Variants in TTC12 observed in about 807,000 individuals in gnomAD.
TTC12 encodes tetratricopeptide repeat protein 12.
TTC12 carries 70 observed loss-of-function variants against 90.1 expected under a neutral mutation model. The observed-to-expected ratio is 0.78, with a 90% CI of 0.64 to 0.95. The LOEUF is 0.95. TTC12 is among the 40% of genes least tolerant of loss of function. TTC12 has a pLI of 0.00. For missense variants in TTC12, 819 were observed against 846.1 expected, an observed-to-expected ratio of 0.97 and a Z score of 0.40; for synonymous variants, 296 against 311.5, an observed-to-expected ratio of 0.95 and a Z score of 0.53.
chr11:113,364,471 C>G, intron 20 of TTC12: 1 of 308,296 alleles, frequency 3.2e-6, no homozygotes, highest in South Asian at 3.5e-5. Context: ...GTGTAGGTTG[C>G]TGGCACATTG....
At chr11:113,338,741 A>G (rs782036468) in intron 8 of TTC12, 33 bp from the exon 9 acceptor site, 3 of 1,575,386 alleles carry the variant, frequency 1.9e-6, no homozygotes, top group Non-Finnish European at 2.6e-6. Context: ...CTTTACCCCA[A>G]CCACTCTTCA....
rs782306358 is a variant in TTC12, at chr11:113,351,256, A to C, written c.1265A>C (p.Gln422Pro). 4 of 1,614,160 alleles carry C rather than the reference A, an allele frequency of 2.5e-6. No homozygotes were observed. The South Asian group carries it at 4.4e-5, about 18-fold the overall frequency. ...CTCAACAGATTCCAAGTCTGGTTCCAGGCCAACCTTCCAGGTGTTCTCCCT... is the reference window on the plus strand; with the variant it reads ...CTCAACAGATTCCAAGTCTGGTTCCCGGCCAACCTTCCAGGTGTTCTCCCT... ...ALEERFQVWF[Q>P]ANLPGVLPAL... is the part of the protein sequence containing the mutation. Residue 422 changes from glutamine (Q) to proline (P), a missense_variant, in exon 15 of 22, where the codon CAG (glutamine) becomes CCG (proline). By Grantham distance (76) the Gln-to-Pro change is moderately conservative. Transcript: ENST00000529221.
chr11:113,362,325 A>G (rs1320897670), intron 18 of TTC12, 76 bp from the exon 19 acceptor site: 12 of 1,108,968 alleles, frequency 1.1e-5, no homozygotes, highest in Non-Finnish European at 1.6e-5. Flanking sequence ...TGCCTCACCA[A>G]ACTCCCCGTT....
downstream of TTC12, chr11:113,366,526 G>A: frequency 1.5e-6 from 1 of 654,198 alleles, no homozygotes; most frequent in Non-Finnish European, 2.4e-6. Context: ...TCCTTTGAAT[G>A]TTCTTTCCTG....
intron 6 of TTC12, among the ~76,000 whole-genome samples, chr11:113,327,119 CAT>C (rs1346194647): frequency 6.6e-6 from 1 of 152,186 alleles, no homozygotes; most frequent in Non-Finnish European, 1.5e-5. Flanking sequence ...TAATTTCAGA[CAT>C]ATCTAATTCA....
intron 12 of TTC12, among the ~76,000 whole-genome samples, chr11:113,343,023 C>T (rs1054045215): frequency 8.5e-5 from 13 of 152,112 alleles, no homozygotes; most frequent in Admixed American, 8.5e-4. Context: ...TTTTCAGATA[C>T]CTGTGATGTA....
In TTC12 at chr11:113,350,126, C is replaced by G; in HGVS notation, c.1208C>G (p.Thr403Ser). 1 of 1,613,942 alleles carries G rather than the reference C, an allele frequency of 6.2e-7. No individual in the cohort carries two copies. Among genetic ancestry groups the G allele is most frequent in the South Asian group, 1.1e-5 (1 of 91,066 alleles). ...GATTTCTCGGATAAGGAGGCCAACA[C>G]TGCTATGGGACTGTTCACAGACTTG... ...FLDFSDKEAN[T>S]AMGLFTDLAL... is the part of the protein sequence containing the mutation. Residue 403 changes from threonine (T) to serine (S), a missense_variant, in exon 14 of 22, where the codon ACT (threonine) becomes AGT (serine). Physicochemically the swap from Thr to Ser is moderately conservative, Grantham distance 58. Transcript: ENST00000529221.
downstream of TTC12, among the ~76,000 whole-genome samples, chr11:113,370,657 T>C (rs369258512): frequency 2.8e-4 from 42 of 152,352 alleles, no homozygotes; most frequent in Middle Eastern, 6.8e-3. Context: ...GGCTCAGCCC[T>C]GGCTTAGGTA....
chr11:113,342,717 C>T (rs1387487805), intron 12 of TTC12, among the ~76,000 whole-genome samples: 3 of 152,012 alleles, frequency 2.0e-5, no homozygotes, highest in Non-Finnish European at 4.4e-5. Flanking sequence ...AGAAATTAAG[C>T]TCTTGAAAAT....
chr11:113,323,474 T>TC, intron 3 of TTC12, 23 bp downstream of exon 3: 1 of 1,536,250 alleles, frequency 6.5e-7, no homozygotes, highest in Non-Finnish European at 8.7e-7. Context: ...ATTGAGAAGT[T>TC]ATATAAGTAC....
chr11:113,365,685 A>C (rs1288664978), intron 21 of TTC12: 1 of 171,242 alleles, frequency 5.8e-6, no homozygotes, highest in East Asian at 1.4e-4. Context: ...ATCTCATTGC[A>C]CGTGCTTTTG....
intron 2 of TTC12, among the ~76,000 whole-genome samples, chr11:113,320,109 G>T (rs1266327499): frequency 6.6e-6 from 1 of 152,110 alleles, no homozygotes; most frequent in East Asian, 1.9e-4. Context: ...AGGGGAAGAT[G>T]TTTGGAAATA....
chr11:113,341,384 A>G (rs541361542), intron 11 of TTC12, among the ~76,000 whole-genome samples: 2 of 152,348 alleles, frequency 1.3e-5, no homozygotes, highest in Non-Finnish European at 2.9e-5. Flanking sequence ...TTTGCTGATC[A>G]TATCAAGAAG....
At chr11:113,359,794 T>A in intron 17 of TTC12, 146 bp from the exon 18 acceptor site, 3 of 650,200 alleles carry the variant, frequency 4.6e-6, no homozygotes, top group Non-Finnish European at 8.1e-6. Flanking sequence ...TGGGGAGGAA[T>A]AAAAGCAGTA....
chr11:113,324,539 G>C, intron 4 of TTC12, 66 bp from the exon 5 acceptor site: 1 of 1,376,338 alleles, frequency 7.3e-7, no homozygotes, highest in Non-Finnish European at 1.0e-6. Flanking sequence ...CTTCGAATTT[G>C]AGCTAAAGAA....
downstream of TTC12, chr11:113,368,451 C>G (rs772300272): frequency 1.3e-6 from 2 of 1,550,568 alleles, no homozygotes; most frequent in Non-Finnish European, 1.7e-6. Context: ...CTTGGAGACA[C>G]GGCTTGTTCC....
rs1947567493 is a variant in TTC12 at position 113,324,588 on chromosome 11, A to T, written c.245-17A>T. ...TTGGATTTTTCTTTTTAATATCTGA[A>T]ATTACCCTGCTGTCAGAGGCCTTCT... On this transcript the variant is annotated splice_polypyrimidine_tract_variant and intron_variant, in intron 4 of 21. Coordinates refer to ENST00000529221, the MANE Select transcript of TTC12 (RefSeq NM_017868.4). The T allele has an allele frequency of 7.5e-6, 12 of 1,608,060 alleles. No individual in the cohort carries two copies. The highest frequency in any genetic ancestry group is 1.0e-5 in the Non-Finnish European group (12 of 1,177,054).
At chr11:113,372,832 C>T (rs1025963035) in intron 21 of TTC12, among the ~76,000 whole-genome samples, 8 of 152,132 alleles carry the variant, frequency 5.3e-5, no homozygotes, top group Non-Finnish European at 1.2e-4. Flanking sequence ...CCCTGGGTGT[C>T]ATTGCTCACT....
intron 8 of TTC12, 74 bp downstream of exon 8, chr11:113,335,111 A>G (rs1948290629): frequency 2.8e-6 from 3 of 1,083,260 alleles, no homozygotes; most frequent in Non-Finnish European, 4.3e-6. Flanking sequence ...GAGGAGAACC[A>G]TGATTCTCCA....
Sources: gnomAD v4.1 joint callset for allele counts (sites outside exome capture counted in the v4.1 genomes callset) on GRCh38, gnomAD v4.1.1 for gene constraint, MANE v1.5 for transcripts, NCBI Gene and HGNC (gene_info 2026-07-23, HGNC 2026-07-21) for gene names.